Variants in CLASP2 observed in about 807,000 individuals in gnomAD.
CLASP2 encodes CLIP-associating protein 2.
CLASP2 carries 47 observed loss-of-function variants against 194.4 expected under a neutral mutation model. That is an observed-to-expected ratio of 0.24 (90% CI 0.19 to 0.31). The LOEUF (loss-of-function observed/expected upper bound fraction) is 0.31. Among genes scored for constraint, CLASP2 ranks in the 10% least tolerant of loss-of-function variants. The pLI is 1.00. For missense variants in CLASP2, 1,445 were observed against 1,823.6 expected, an observed-to-expected ratio of 0.79 and a Z score of 3.78; for synonymous variants, 619 against 633.5, an observed-to-expected ratio of 0.98 and a Z score of 0.34.
chr3:33,652,406 A>G (rs1012344944), intron 7 of CLASP2, among the ~76,000 whole-genome samples: 2 of 152,148 alleles, frequency 1.3e-5, no homozygotes, highest in African/African-American at 4.8e-5. Context: ...TACCTTGGAA[A>G]ACTCAAATTT....
intron 14 of CLASP2, 68 bp from the exon 15 acceptor site, chr3:33,607,529 G>C (rs1298830067): frequency 2.8e-6 from 3 of 1,055,540 alleles, no homozygotes; most frequent in Non-Finnish European, 4.1e-6. Flanking sequence ...GGTACTTAAG[G>C]CCTATATGTT....
chr3:33,542,335 A>G (rs951317163), intron 32 of CLASP2, among the ~76,000 whole-genome samples: 1 of 148,304 alleles, frequency 6.7e-6, no homozygotes, highest in African/African-American at 2.4e-5. Context: ...TAATTCATAT[A>G]TCATTATATA....
intron 29 of CLASP2, among the ~76,000 whole-genome samples, chr3:33,554,300 T>C (rs1426975331): frequency 6.6e-6 from 1 of 151,540 alleles, no homozygotes; most frequent in Non-Finnish European, 1.5e-5. Context: ...ATGTGGTATA[T>C]ATACACAATG....
rs747669687 is a variant in CLASP2 at position 33,498,721 on chromosome 3, C to T, written c.4435-4G>A. 1 of 1,604,714 alleles carries T rather than the reference C, an allele frequency of 6.2e-7. No homozygotes were observed. ...TGTAAAGATTCAGTAGCTTCATCTG[C>T]AGATTCAAGCCAAATAAATGTCATT... On this transcript the variant is annotated splice_polypyrimidine_tract_variant and splice_region_variant and intron_variant, in intron 38 of 38. Coordinates refer to ENST00000682230, the MANE Select transcript of CLASP2 (RefSeq NM_001365631.1).
At chr3:33,591,443 T>C (rs936199770) in intron 21 of CLASP2, among the ~76,000 whole-genome samples, 2 of 151,810 alleles carry the variant, frequency 1.3e-5, no homozygotes, top group African/African-American at 4.8e-5. Context: ...CAAGACCCCA[T>C]CTCTTAAAAC....
intron 10 of CLASP2, among the ~76,000 whole-genome samples, chr3:33,625,187 T>C (rs548933594): frequency 2.4e-5 from 2 of 84,078 alleles, no homozygotes; most frequent in Non-Finnish European, 4.5e-5. Flanking sequence ...AAAAATTACA[T>C]GTCATGGGGT....
intron 23 of CLASP2, among the ~76,000 whole-genome samples, chr3:33,580,387 A>AC (rs998718683): frequency 6.6e-6 from 1 of 151,518 alleles, no homozygotes; most frequent in African/African-American, 2.4e-5. Context: ...GTATCATGAA[A>AC]CCCCATCTCT....
At chr3:33,516,407 C>A (rs140106968) in intron 35 of CLASP2, among the ~76,000 whole-genome samples, 3 of 152,280 alleles carry the variant, frequency 2.0e-5, no homozygotes, top group Admixed American at 2.0e-4. Context: ...GTGGCTCATG[C>A]CAGTAATCCC....
At chr3:33,546,516 A>C (rs968337725) in intron 30 of CLASP2, among the ~76,000 whole-genome samples, 3 of 152,224 alleles carry the variant, frequency 2.0e-5, no homozygotes, top group Non-Finnish European at 2.9e-5. Context: ...ACAGATTTTA[A>C]AAAACCAGTT....
At chr3:33,661,776 C>A (rs1405928026) in intron 7 of CLASP2, among the ~76,000 whole-genome samples, 1 of 152,114 alleles carries the variant, frequency 6.6e-6, no homozygotes, top group Non-Finnish European at 1.5e-5. Flanking sequence ...GAATCATTAG[C>A]AAAGAGTTAT....
At chr3:33,659,056 G>A in intron 7 of CLASP2, 1 of 1,529,562 alleles carries the variant, frequency 6.5e-7, no homozygotes, top group Non-Finnish European at 8.7e-7. Flanking sequence ...ACAGCTCAGT[G>A]CCTGCGCCAC....
chr3:33,574,603 C>T (rs922400808), intron 24 of CLASP2: 32 of 624,122 alleles, frequency 5.1e-5, no homozygotes, highest in African/African-American at 4.2e-4. Context: ...AGAAACATTA[C>T]GTTTTTTTCA....
chr3:33,584,661 T>C (rs1385385041), intron 22 of CLASP2, 89 bp downstream of exon 22: 2 of 1,174,066 alleles, frequency 1.7e-6, no homozygotes, highest in African/African-American at 1.6e-5. Flanking sequence ...AAGTCCTAAT[T>C]GTATTCCAAA....
intron 25 of CLASP2, among the ~76,000 whole-genome samples, chr3:33,572,760 A>G (rs2064039730): frequency 6.6e-6 from 1 of 152,098 alleles, no homozygotes; most frequent in South Asian, 2.1e-4. Context: ...CTCATTGAAA[A>G]ACTTACCAGA....
At chr3:33,664,293 TTTTC>T (rs1465544086) in intron 6 of CLASP2, among the ~76,000 whole-genome samples, 1 of 152,186 alleles carries the variant, frequency 6.6e-6, no homozygotes, top group East Asian at 1.9e-4. Flanking sequence ...TTTAGTTTGC[TTTTC>T]TTTCTCTTTC....
Position 33,718,010 on chromosome 3 carries a change from G to GCCGC in CLASP2, c.-12_-9dup, listed in dbSNP as rs771134830. The GCCGC allele has an allele frequency of 3.0e-4, 443 of 1,462,956 alleles. 2 individuals carry two copies. The South Asian group carries it at 3.1e-3, about 10-fold the overall frequency. The allele number at this position is 1,462,956 out of a possible 1,614,324, so 90.6% of individuals were successfully genotyped here. ...CATGCTGCGGGGCTCCATGGCTGCG[G>GCCGC]CCGCCCGCCCGCCTGCCAGTCTGTG... On this transcript the variant is annotated 5_prime_UTR_variant, in exon 1 of 39. Transcript: ENST00000682230.
intron 7 of CLASP2, among the ~76,000 whole-genome samples, chr3:33,646,459 T>C (rs1192527165): frequency 1.3e-5 from 2 of 152,134 alleles, no homozygotes; most frequent in Non-Finnish European, 2.9e-5. Context: ...ATGCAGTACA[T>C]AGACGGCTTT....
intron 27 of CLASP2, among the ~76,000 whole-genome samples, chr3:33,561,224 C>T (rs991116742): frequency 2.6e-5 from 4 of 152,160 alleles, no homozygotes; most frequent in African/African-American, 9.7e-5. Context: ...AAAGTTTGGC[C>T]ATAATGGCTG....
intron 11 of CLASP2, among the ~76,000 whole-genome samples, chr3:33,620,531 T>C (rs149834377): frequency 5.9e-5 from 9 of 152,188 alleles, no homozygotes; most frequent in African/African-American, 2.2e-4. Flanking sequence ...TTCCGACCTA[T>C]GCACTGTTAT....
Sources: allele counts gnomAD v4.1 joint callset (sites outside exome capture counted in the v4.1 genomes callset), GRCh38; gene constraint gnomAD v4.1.1; transcripts MANE v1.5; gene names NCBI Gene and HGNC (gene_info 2026-07-23, HGNC 2026-07-21).